The following ODC1 variants were observed in gnomAD, a reference collection of about 807,000 sequenced individuals.
The protein encoded by ODC1 is ornithine decarboxylase 1, also known as ornithine decarboxylase.
A neutral mutation model predicts 41.5 loss-of-function variants in ODC1; 18 were observed. The ratio of observed to expected loss-of-function variants is 0.43; its 90% CI spans 0.30 to 0.64. The LOEUF is 0.64. ODC1 is among the 30% of genes least tolerant of loss of function. The pLI is 0.11. For synonymous variants in ODC1, 218 were observed against 211.6 expected (o/e 1.03, Z -0.26); for missense variants, 504 against 589.0 (o/e 0.86, Z 1.49).
intron 8 of ODC1, 91 bp from the exon 9 acceptor site, chr2:10,442,265 C>T: frequency 6.9e-6 from 9 of 1,303,322 alleles, no homozygotes; most frequent in Non-Finnish European, 9.5e-6. Flanking sequence ...GACATGACAT[C>T]ATGAGACCAG....
intron 8 of ODC1, 133 bp downstream of exon 8, chr2:10,443,097 G>A: frequency 1.4e-6 from 1 of 719,834 alleles, no homozygotes; most frequent in East Asian, 2.6e-5. Flanking sequence ...ACAGCACAAA[G>A]AAATCACTCA....
chr2:10,447,612 T>C (rs539134939), intron 1 of ODC1: 3 of 152,400 alleles, frequency 2.0e-5, no homozygotes, highest in African/African-American at 4.8e-5. Context: ...AGCAAGACTA[T>C]CTTAGCTCTA....
rs757593824 is a variant in ODC1, at chr2:10,441,527, A to C, written c.1223T>G (p.Val408Gly). Residue 408 changes from valine to glycine, a missense_variant, in exon 11 of 12, where the codon GTG becomes GGG. Physicochemically the swap from Val to Gly is moderately radical, Grantham distance 109. This residue lies in a region of ODC1 where 447 missense variants were observed against 524.4 expected (regional missense o/e 0.85). Transcript: ENST00000234111. The stretch of plus-strand genomic sequence containing the variant: ...TACTTACCACGCAGGCCCTGACATC[A>C]CATAGTAGATCGTCGGCCTCTGGAA... ...NGFQRPTIYY[V>G]MSGPAWQLMQ... 2.5e-6 allele frequency: 4 copies of C among 1,614,100 alleles called. No homozygotes were observed. Among genetic ancestry groups the C allele is most frequent in the Non-Finnish European group, 3.4e-6 (4 of 1,179,976 alleles).
chr2:10,444,893 T>G (rs1281816056), intron 3 of ODC1, 38 bp downstream of exon 3: 1 of 1,456,142 alleles, frequency 6.9e-7, no homozygotes, highest in Non-Finnish European at 9.6e-7. Flanking sequence ...TGCCTGGCAC[T>G]CTCAGCTGCA....
rs1340364562 is a variant in ODC1 at position 10,440,755 on chromosome 2, G to C, written c.1355C>G (p.Ala452Gly). The C allele has an allele frequency of 5.6e-6, 9 of 1,614,114 alleles. No homozygotes were observed. The change falls in exon 12 of 12, where the codon GCA (alanine) becomes GGA (glycine). Residue 452 changes from alanine (A) to glycine (G), a missense_variant. This residue lies in a region of ODC1 where 447 missense variants were observed against 524.4 expected (regional missense o/e 0.85). Transcript: ENST00000234111. ...ATTAATACTAGCCGAAGCACAGGCT[G>C]CTCTGTGGCGTTTCATCCCACTCTC... ...AWESGMKRHR[A>G]ACASASINV
chr2:10,444,907 C>T, intron 3 of ODC1, 24 bp downstream of exon 3: 1 of 1,535,210 alleles, frequency 6.5e-7, no homozygotes, highest in South Asian at 1.1e-5. Context: ...AGCTGCACTG[C>T]CAGCATGGGC....
intron 8 of ODC1, 70 bp downstream of exon 8, chr2:10,443,160 A>C: frequency 8.0e-7 from 1 of 1,254,898 alleles, no homozygotes; most frequent in Non-Finnish European, 1.2e-6. Context: ...AAGACACTTA[A>C]ATTTTGAAAT....
rs28362372 is a variant in ODC1 at position 10,448,293 on chromosome 2, GGGCGGCGGC to G, written c.-309_-301del. The G allele has an allele frequency of 1.6e-5, 4 of 248,054 alleles. No individual in the cohort carries two copies. The highest frequency in any genetic ancestry group is 5.6e-5 in the Admixed American group (1 of 17,830). 15.4% of individuals were successfully genotyped at this position (248,054 alleles called of 1,614,324 possible). A position where few individuals can be genotyped will look rare whatever the true frequency, so the allele number is the denominator to read the frequency against. ...CCGGAGCTGCTGGCAGAGGGGCGGC[GGGCGGCGGC>G]GGCGGCGGCTACAGGAGGGACTGAC... is the stretch of plus-strand genomic sequence containing the variant. On this transcript the variant is annotated 5_prime_UTR_variant, in exon 1 of 12. Transcript: ENST00000234111.
chr2:10,445,577 A>G (rs28362388), intron 1 of ODC1, among the ~76,000 whole-genome samples: 4 of 152,354 alleles, frequency 2.6e-5, no homozygotes, highest in East Asian at 3.9e-4. Flanking sequence ...AAAGTCTTAT[A>G]ATGGTCTGAT....
At chr2:10,442,233 G>A (rs1483123428) in intron 8 of ODC1, 59 bp from the exon 9 acceptor site, 7 of 1,517,180 alleles carry the variant, frequency 4.6e-6, no homozygotes, top group Admixed American at 2.0e-5. Context: ...TCACATGGGG[G>A]AGTAACATCA....
At chr2:10,444,892 C>T (rs1271156070) in intron 3 of ODC1, 39 bp downstream of exon 3, 2 of 1,446,090 alleles carry the variant, frequency 1.4e-6, no homozygotes, top group African/African-American at 1.4e-5. Flanking sequence ...TTGCCTGGCA[C>T]TCTCAGCTGC....
At position 10,442,175 on chromosome 2, in the gene ODC1, C is replaced by A; in HGVS notation, c.751-1G>T. 1 of 1,593,530 alleles carries A rather than the reference C, an allele frequency of 6.3e-7. No individual in the cohort carries two copies. The highest frequency in any genetic ancestry group is 8.5e-7 in the Non-Finnish European group (1 of 1,171,562). ...ACGCTGGGTTGATTACGCCGGTGAT[C>A]TAAGAGAGTGAAACAGAAAAGAAAG... On this transcript the variant is annotated splice_acceptor_variant, in intron 8 of 11. Coordinates refer to ENST00000234111, the MANE Select transcript of ODC1 (RefSeq NM_002539.3). LOFTEE classifies it high-confidence loss of function.
chr2:10,443,656 A>T (rs765448504), intron 6 of ODC1, 46 bp downstream of exon 6: 2 of 1,607,888 alleles, frequency 1.2e-6, no homozygotes, highest in Non-Finnish European at 1.7e-6. Flanking sequence ...TGTAAAACTC[A>T]AACTGTTCAA....
intron 8 of ODC1, 34 bp downstream of exon 8, chr2:10,443,196 G>A (rs1388202703): frequency 6.7e-6 from 10 of 1,488,620 alleles, no homozygotes; most frequent in Admixed American, 1.9e-5. Context: ...TTATTAGAAC[G>A]GCTACTGAGT....
At chr2:10,444,805 G>A (rs1450811576) in intron 3 of ODC1, 126 bp downstream of exon 3, 2 of 846,252 alleles carry the variant, frequency 2.4e-6, no homozygotes, top group Non-Finnish European at 3.8e-6. Flanking sequence ...TTTACCACCA[G>A]TGAATTAATT....
chr2:10,441,378 C>G (rs569843166), intron 11 of ODC1, 131 bp downstream of exon 11: 3 of 961,042 alleles, frequency 3.1e-6, no homozygotes, highest in East Asian at 5.3e-5. Flanking sequence ...TTTTCTAAAA[C>G]TTTTCTTAGG....
chr2:10,442,169 G>C lies in ODC1; in HGVS notation c.756C>G (p.Thr252=), dbSNP rs141854481. ...TGTCCAACGCTGGGTTGATTACGCCGGTGATCTAAGAGAGTGAAACAGAAA... is the reference window on the plus strand; with the variant it reads ...TGTCCAACGCTGGGTTGATTACGCCCGTGATCTAAGAGAGTGAAACAGAAA... The part of the protein sequence containing the change: ...EDVKLKFEEI[T]GVINPALDKY... Residue 252 remains threonine, a synonymous_variant, in exon 9 of 12, where the codon ACC becomes ACG. Transcript: ENST00000234111. 2.5e-6 allele frequency: 4 copies of C among 1,601,242 alleles called. No homozygotes were observed. The highest frequency in any genetic ancestry group is 2.3e-5 in the South Asian group (2 of 88,534).
intron 1 of ODC1, 54 bp downstream of exon 1, chr2:10,448,067 C>T (rs1290681419): frequency 1.9e-5 from 3 of 159,270 alleles, no homozygotes; most frequent in African/African-American, 7.2e-5. Context: ...CCGCAGCCCG[C>T]CCCGGCTCCC....
Position 10,440,795 on chromosome 2 carries a change from C to T in ODC1, c.1315G>A (p.Val439Met). 1 of 1,614,156 alleles carries T rather than the reference C, an allele frequency of 6.2e-7. No homozygotes were observed. Among genetic ancestry groups the T allele is most frequent in the African/African-American group, 1.3e-5 (1 of 75,034 alleles). The change falls in exon 12 of 12, where the codon GTG becomes ATG. Residue 439 changes from valine (V) to methionine (M), a missense_variant. Coordinates refer to ENST00000234111, the MANE Select transcript of ODC1 (RefSeq NM_002539.3). ...ATCCCACTCTCCCAGGCACAAGACA[C>T]AGGCAGGGTGCTGGCATCCTGTTCC... ...VEEQDASTLP[V>M]SCAWESGMKR...
Sources: allele counts gnomAD v4.1 joint callset (sites outside exome capture counted in the v4.1 genomes callset), GRCh38; gene constraint gnomAD v4.1.1; regional missense constraint gnomAD v4.1.1; transcripts MANE v1.5; gene names NCBI Gene and HGNC (gene_info 2026-07-23, HGNC 2026-07-21).